The following MAF variants were observed in gnomAD, a reference collection of about 807,000 sequenced individuals.
The protein encoded by MAF is transcription factor Maf.
A neutral mutation model predicts 22.0 loss-of-function variants in MAF; 10 were observed. The ratio of observed to expected loss-of-function variants is 0.45; its 90% CI spans 0.28 to 0.77. The LOEUF (loss-of-function observed/expected upper bound fraction) is 0.77. Among genes scored for constraint, MAF ranks in the 30% least tolerant of loss-of-function variants. The pLI is 0.12. For missense variants in MAF, 544 were observed against 548.4 expected, an observed-to-expected ratio of 0.99 and a Z score of 0.08; for synonymous variants, 337 against 255.8, an observed-to-expected ratio of 1.32 and a Z score of -3.03.
chr16:79,360,006 G>A, the MAF span, among the ~76,000 whole-genome samples: 5 of 152,172 alleles, frequency 3.3e-5, no homozygotes, highest in African/African-American at 1.2e-4. Flanking sequence ...TAGGACCAGA[G>A]GGAAGAACCT....
chr16:79,523,241 A>C, the MAF span, among the ~76,000 whole-genome samples: 1 of 152,222 alleles, frequency 6.6e-6, no homozygotes, highest in Non-Finnish European at 1.5e-5. Flanking sequence ...TTGTTCTAAC[A>C]GGAATTCTCT....
chr16:79,266,188 G>A, the MAF span, among the ~76,000 whole-genome samples: 1 of 152,232 alleles, frequency 6.6e-6, no homozygotes, highest in Non-Finnish European at 1.5e-5. Context: ...TTCATGTCTT[G>A]AGGGACAGAG....
chr16:79,230,466 T>C, the MAF span, among the ~76,000 whole-genome samples: 1 of 152,126 alleles, frequency 6.6e-6, no homozygotes, highest in Non-Finnish European at 1.5e-5. Flanking sequence ...GGGTGGGCGG[T>C]CTTGAGCAAA....
At chr16:79,408,832 A>T in the MAF span, among the ~76,000 whole-genome samples, 6 of 152,232 alleles carry the variant, frequency 3.9e-5, no homozygotes, top group African/African-American at 4.8e-5. Context: ...CAAAGGCTTC[A>T]TTCCAGCTTT....
downstream of MAF, among the ~76,000 whole-genome samples, chr16:79,584,121 G>A (rs550377689): frequency 1.2e-4 from 18 of 152,170 alleles, no homozygotes; most frequent in South Asian, 3.1e-3. Context: ...TACATAAAAG[G>A]TAATTAAATG....
the MAF span, among the ~76,000 whole-genome samples, chr16:79,486,796 T>C: frequency 2.0e-5 from 3 of 152,230 alleles, no homozygotes; most frequent in African/African-American, 7.2e-5. Context: ...ATCAATCCTG[T>C]TGCTTTTCAC....
rs1315335819 is a variant in MAF at position 79,600,264 on chromosome 16, G to A, written c.-362C>T. 8.1e-6 allele frequency: 2 copies of A among 246,612 alleles called. No homozygotes were observed. The highest frequency in any genetic ancestry group is 1.5e-4 in the East Asian group (2 of 13,728). The allele number at this position is 246,612 out of a possible 1,614,324, so 15.3% of individuals were successfully genotyped here. A position where few individuals can be genotyped will look rare whatever the true frequency, so the allele number is the denominator to read the frequency against. ...GGTGGCTGCGGCGGCGAAGCTGGAG[G>A]AGCCCGGCCCGGTGCGCGGCGTCCC... On this transcript the variant is annotated 5_prime_UTR_variant, in exon 1 of 2. Transcript: ENST00000326043.
chr16:79,465,154 C>T, the MAF span, among the ~76,000 whole-genome samples: 86 of 152,278 alleles, frequency 5.6e-4, no homozygotes, highest in East Asian at 2.3e-3. Context: ...GGTTCCAGGG[C>T]TCCCCTCAAT....
the MAF span, among the ~76,000 whole-genome samples, chr16:79,249,283 G>A: frequency 6.6e-6 from 1 of 152,154 alleles, no homozygotes; most frequent in East Asian, 1.9e-4. Context: ...GCCGGATGTG[G>A]TGGTGCATGC....
the MAF span, among the ~76,000 whole-genome samples, chr16:79,261,480 G>C: frequency 3.0e-4 from 45 of 152,326 alleles, no homozygotes; most frequent in Middle Eastern, 3.4e-3. Context: ...TAGCACAGGA[G>C]CTTCTACATG....
chr16:79,373,344 G>A, the MAF span, among the ~76,000 whole-genome samples: 1 of 129,962 alleles, frequency 7.7e-6, no homozygotes, highest in East Asian at 2.6e-4. Flanking sequence ...GTTACTATGG[G>A]AGTGGGACTG....
the MAF span, among the ~76,000 whole-genome samples, chr16:79,217,934 A>G: frequency 7.2e-6 from 1 of 138,034 alleles, no homozygotes; most frequent in African/African-American, 2.7e-5. Flanking sequence ...CTTGGCTTGC[A>G]ATATCACTGC....
At chr16:79,315,384 G>C in the MAF span, among the ~76,000 whole-genome samples, 1 of 152,126 alleles carries the variant, frequency 6.6e-6, no homozygotes, top group Non-Finnish European at 1.5e-5. Flanking sequence ...CTAATGCTAA[G>C]AGAAACTAAC....
chr16:79,404,549 C>T, the MAF span, among the ~76,000 whole-genome samples: 1 of 152,260 alleles, frequency 6.6e-6, no homozygotes, highest in South Asian at 2.1e-4. Flanking sequence ...GTCCTGAGAC[C>T]TGCACTTTAC....
the MAF span, among the ~76,000 whole-genome samples, chr16:79,297,143 C>T: frequency 0.19 from 28,291 of 152,120 alleles, 3,130 homozygotes; most frequent in East Asian, 0.53. Flanking sequence ...ATGTTAACCT[C>T]ATGTTATAAG....
the MAF span, among the ~76,000 whole-genome samples, chr16:79,267,503 G>A: frequency 2.0e-5 from 3 of 152,334 alleles, no homozygotes; most frequent in South Asian, 4.1e-4. Flanking sequence ...CTGCGGGGCT[G>A]TTGTTCTAGG....
the MAF span, among the ~76,000 whole-genome samples, chr16:79,457,712 T>A: frequency 6.6e-6 from 1 of 152,252 alleles, no homozygotes; most frequent in East Asian, 1.9e-4. Context: ...CACCCTACAC[T>A]CTGTGCTCCT....
At chr16:79,304,206 G>A in the MAF span, among the ~76,000 whole-genome samples, 9 of 152,234 alleles carry the variant, frequency 5.9e-5, no homozygotes, top group African/African-American at 1.4e-4. Context: ...GTGACCTGTC[G>A]CACCCTGGCA....
At chr16:79,584,689 G>A (rs1166609366), downstream of MAF, among the ~76,000 whole-genome samples, 1 of 152,128 alleles carries the variant, frequency 6.6e-6, no homozygotes, top group African/African-American at 2.4e-5. Flanking sequence ...TAAAGCATCG[G>A]AACTGCATGC....
Sources: gnomAD v4.1 joint callset for allele counts (sites outside exome capture counted in the v4.1 genomes callset) on GRCh38, gnomAD v4.1.1 for gene constraint, MANE v1.5 for transcripts, NCBI Gene and HGNC (gene_info 2026-07-23, HGNC 2026-07-21) for gene names.